PTPRQ: variants seen among roughly 807,000 people sequenced by gnomAD.
PTPRQ encodes the protein protein tyrosine phosphatase receptor type Q, also known as phosphatidylinositol phosphatase PTPRQ.
PTPRQ carries 199 observed loss-of-function variants against 246.0 expected under a neutral mutation model. The ratio of observed to expected loss-of-function variants is 0.81; its 90% CI spans 0.72 to 0.91. PTPRQ has a LOEUF of 0.91. PTPRQ is among the 40% of genes least tolerant of loss of function. The pLI, the probability that PTPRQ is intolerant of heterozygous loss-of-function variation, is 0.00. For synonymous variants in PTPRQ, 869 were observed against 853.2 expected (o/e 1.02, Z -0.32); for missense variants, 2,624 against 2,528.4 (o/e 1.04, Z -0.81).
intron 39 of PTPRQ, among the ~76,000 whole-genome samples, chr12:80,660,989 A>G (rs1412067558): frequency 7.0e-6 from 1 of 143,860 alleles, no homozygotes; most frequent in Admixed American, 7.0e-5. Flanking sequence ...AAGCATGTAT[A>G]TTTCCTCTTA....
At chr12:80,672,997 A>T (rs1477848461) in intron 42 of PTPRQ, among the ~76,000 whole-genome samples, 172 bp from the exon 43 acceptor site, 1 of 152,148 alleles carries the variant, frequency 6.6e-6, no homozygotes, top group Non-Finnish European at 1.5e-5. Flanking sequence ...TGCCTTGTTT[A>T]AACACAATCT....
At chr12:80,483,081 G>A (rs1276335649) in intron 8 of PTPRQ, among the ~76,000 whole-genome samples, 3 of 124,946 alleles carry the variant, frequency 2.4e-5, no homozygotes, top group Admixed American at 1.7e-4. Flanking sequence ...GCACACGTAT[G>A]TTTATTGTGG....
intron 28 of PTPRQ, among the ~76,000 whole-genome samples, chr12:80,611,396 G>GT (rs1032224255): frequency 6.7e-6 from 1 of 150,114 alleles, no homozygotes; most frequent in African/African-American, 2.4e-5. Flanking sequence ...TTTACAGCTA[G>GT]TTTTTTTCGT....
chr12:80,472,188 G>T lies in PTPRQ; in HGVS notation c.1123G>T (p.Ala375Ser), dbSNP rs1400660670. 6.4e-7 allele frequency: 1 copy of T among 1,551,498 alleles called. No individual in the cohort carries two copies. The highest frequency in any genetic ancestry group is 1.7e-4 in the Middle Eastern group (1 of 5,990). ...TPFTMYDVYI[A>S]AETSAGTGPK... Reference sequence around the variant, plus strand: ...ATTTACAATGTATGATGTCTATATTGCGGCTGAAACCAGTGCAGGGACTGG... The same window carrying T: ...ATTTACAATGTATGATGTCTATATTTCGGCTGAAACCAGTGCAGGGACTGG... Residue 375 changes from alanine (A) to serine (S), a missense_variant, in exon 8 of 45, where the codon GCG (alanine) becomes TCG (serine). Transcript: ENST00000644991.
At position 80,599,249 on chromosome 12, in the gene PTPRQ, G is replaced by A. The variant is rs79528845; in HGVS notation, c.4610-5810G>A. 5.9e-3 allele frequency among the ~76,000 whole-genome samples: 897 copies of A among 152,004 alleles called. 27 individuals are homozygous for A. In the South Asian group the frequency reaches 0.067, roughly 11 times the overall value. On this transcript the variant is annotated intron_variant, in intron 26 of 44. Transcript: ENST00000644991. ...AAAATGCATTATGGTGAAAACCAGG[G>A]GGAAAGTGCTTATGAGAGGAAGTGA... is the stretch of plus-strand genomic sequence containing the variant.
intron 33 of PTPRQ, among the ~76,000 whole-genome samples, chr12:80,629,157 C>T (rs937190333): frequency 6.7e-5 from 9 of 134,468 alleles, no homozygotes; most frequent in South Asian, 6.6e-4. Context: ...GAGTGGCACA[C>T]ACACACACAC....
At chr12:80,514,221 T>C (rs1181669676) in intron 17 of PTPRQ, among the ~76,000 whole-genome samples, 3 of 152,070 alleles carry the variant, frequency 2.0e-5, no homozygotes, top group Non-Finnish European at 4.4e-5. Flanking sequence ...CCTTCTTCCG[T>C]ATACTCTTTC....
intron 23 of PTPRQ, among the ~76,000 whole-genome samples, chr12:80,544,126 T>A (rs1175907667): frequency 6.6e-6 from 1 of 152,070 alleles, no homozygotes; most frequent in Admixed American, 6.6e-5. Context: ...TGACTCCAAA[T>A]TACCTGGCTC....
intron 8 of PTPRQ, among the ~76,000 whole-genome samples, chr12:80,478,802 G>T (rs559627364): frequency 6.6e-6 from 1 of 152,158 alleles, no homozygotes; most frequent in African/African-American, 2.4e-5. Context: ...TGAATGAAAC[G>T]AAGCGAGAAG....
chr12:80,586,641 C>T (rs1897629147), intron 25 of PTPRQ: 1 of 152,192 alleles, frequency 6.6e-6, no homozygotes, highest in African/African-American at 2.4e-5. Flanking sequence ...TTCAATATCC[C>T]TGAAACTCTC....
intron 14 of PTPRQ, 45 bp downstream of exon 14, chr12:80,496,576 T>A: frequency 2.7e-6 from 4 of 1,508,710 alleles, no homozygotes; most frequent in Non-Finnish European, 1.8e-6. Context: ...CACAGTGATA[T>A]AGTAAGCAAA....
chr12:80,675,736 C>T (rs891764093), intron 43 of PTPRQ, among the ~76,000 whole-genome samples: 1 of 152,160 alleles, frequency 6.6e-6, no homozygotes, highest in Non-Finnish European at 1.5e-5. Flanking sequence ...ATACATTATT[C>T]TGTTTAACCA....
chr12:80,637,541 ATTGT>A (rs1468805233), intron 35 of PTPRQ, among the ~76,000 whole-genome samples: 1 of 152,172 alleles, frequency 6.6e-6, no homozygotes, highest in African/African-American at 2.4e-5. Context: ...GGTATTCACA[ATTGT>A]TTGTAATTCC....
Position 80,679,157 on chromosome 12 carries a change from GGA to G in PTPRQ, c.*135_*136del, listed in dbSNP as rs1901239844. 2.8e-6 allele frequency: 3 copies of G among 1,068,868 alleles called. No homozygotes were observed. The East Asian group carries it at 8.5e-5, about 30-fold the overall frequency. 66.2% of individuals were successfully genotyped at this position (1,068,868 alleles called of 1,614,324 possible). A position where few individuals can be genotyped will look rare whatever the true frequency, so the allele number is the denominator to read the frequency against. On this transcript the variant is annotated 3_prime_UTR_variant, in exon 45 of 45. Transcript: ENST00000644991. ...CTTCTCTCACTGTGCCTTTCCAAAC[GGA>G]TTGAACATTTTAAGACTAGTTCTTG...
At chr12:80,640,451 G>A (rs1026861787) in intron 35 of PTPRQ, among the ~76,000 whole-genome samples, 11 of 152,116 alleles carry the variant, frequency 7.2e-5, no homozygotes, top group East Asian at 1.9e-4. Flanking sequence ...TTGTGAATTC[G>A]GAATACAAGA....
chr12:80,488,291 G>A (rs1894342853), intron 9 of PTPRQ, among the ~76,000 whole-genome samples: 1 of 151,898 alleles, frequency 6.6e-6, no homozygotes, highest in Admixed American at 6.6e-5. Context: ...AACAGGAGGT[G>A]GGTATAGTGG....
chr12:80,631,421 T>C (rs1177190191), intron 33 of PTPRQ, among the ~76,000 whole-genome samples: 1 of 152,200 alleles, frequency 6.6e-6, no homozygotes, highest in Non-Finnish European at 1.5e-5. Context: ...TAATCTTATT[T>C]TTTATTTCTG....
chr12:80,651,187 G>T (rs1478993228), intron 37 of PTPRQ, among the ~76,000 whole-genome samples: 1 of 151,928 alleles, frequency 6.6e-6, no homozygotes, highest in African/African-American at 2.4e-5. Context: ...AATATAAAAT[G>T]ATTGAATATA....
intron 19 of PTPRQ, among the ~76,000 whole-genome samples, chr12:80,537,491 TC>T (rs1421332605): frequency 1.3e-5 from 2 of 152,236 alleles, no homozygotes; most frequent in African/African-American, 4.8e-5. Context: ...TTTTTTCATC[TC>T]CAAAAGTCTT....
Sources: gnomAD v4.1 joint callset for allele counts (sites outside exome capture counted in the v4.1 genomes callset) on GRCh38, gnomAD v4.1.1 for gene constraint, MANE v1.5 for transcripts, NCBI Gene and HGNC (gene_info 2026-07-23, HGNC 2026-07-21) for gene names.